Variants in PAQR8 observed in about 807,000 individuals in gnomAD.
PAQR8 encodes membrane progestin receptor beta.
PAQR8 carries 17 observed loss-of-function variants against 25.2 expected under a neutral mutation model. The ratio of observed to expected loss-of-function variants is 0.67; its 90% confidence interval spans 0.46 to 1.01. The LOEUF (loss-of-function observed/expected upper bound fraction) is 1.01. Among genes scored for constraint, PAQR8 ranks in the 50% least tolerant of loss-of-function variants. PAQR8 has a pLI of 0.00. For missense variants in PAQR8, 392 were observed against 448.4 expected (o/e 0.87, Z 1.14); for synonymous variants, 204 against 190.6 (o/e 1.07, Z -0.58).
chr6:52,393,630 C>A (rs1015492569), intron 1 of PAQR8, among the ~76,000 whole-genome samples: 1 of 152,118 alleles, frequency 6.6e-6, no homozygotes, highest in African/African-American at 2.4e-5. Flanking sequence ...TGTACCTGGT[C>A]GATTTGGACA....
intron 1 of PAQR8, among the ~76,000 whole-genome samples, chr6:52,393,800 A>G (rs1257334271): frequency 1.3e-5 from 2 of 152,328 alleles, no homozygotes; most frequent in South Asian, 2.1e-4. Flanking sequence ...TACAGTAAGG[A>G]AAGTCCTATA....
At chr6:52,391,885 C>T (rs1763712890) in intron 1 of PAQR8, among the ~76,000 whole-genome samples, 1 of 152,158 alleles carries the variant, frequency 6.6e-6, no homozygotes, top group African/African-American at 2.4e-5. Flanking sequence ...CTGTGTGAGT[C>T]CCACACACAG....
rs1763926195 is a variant in PAQR8, at chr6:52,407,590, C to T, written c.*3312C>T. ...AGTTTCAAATGGATCCTCCAGATGG[C>T]ATTCATGTCTTACTCAGAAAGGGCA... On this transcript the variant is annotated 3_prime_UTR_variant, in exon 2 of 2. Transcript: ENST00000442253. The T allele has an allele frequency of 6.4e-6, 1 of 156,500 alleles. No individual in the cohort carries two copies. Among genetic ancestry groups the T allele is most frequent in the African/African-American group, 2.7e-5 (1 of 37,512 alleles). The allele number at this position is 156,500 out of a possible 1,614,324, so 9.7% of individuals were successfully genotyped here.
intron 1 of PAQR8, among the ~76,000 whole-genome samples, chr6:52,369,590 G>A (rs981256570): frequency 6.6e-6 from 1 of 152,190 alleles, no homozygotes; most frequent in Non-Finnish European, 1.5e-5. Context: ...ACCAGGCGAA[G>A]ATGGACATAA....
In PAQR8 at chr6:52,405,425, C is replaced by T. The variant is rs1763896664; in HGVS notation, c.*1147C>T. On this transcript the variant is annotated 3_prime_UTR_variant, in exon 2 of 2. Coordinates refer to ENST00000442253, the MANE Select transcript of PAQR8 (RefSeq NM_133367.5). ...TGGGATAGGCAAGCATGTGTGTTTA[C>T]TGTGGATTGGTCCCTGAAGGCTCCT... 6.0e-6 allele frequency: 1 copy of T among 167,128 alleles called. No homozygotes were observed. Among genetic ancestry groups the T allele is most frequent in the Non-Finnish European group, 1.5e-5 (1 of 68,164 alleles). The allele number at this position is 167,128 out of a possible 1,614,324, so 10.4% of individuals were successfully genotyped here.
intron 1 of PAQR8, among the ~76,000 whole-genome samples, chr6:52,390,989 T>C (rs9296676): frequency 0.18 from 27,609 of 152,166 alleles, 2,722 homozygotes; most frequent in Non-Finnish European, 0.22. Context: ...ATGTTTGTTG[T>C]TAAAAAGTAC....
Position 52,403,320 on chromosome 6 carries a change from C to T in PAQR8, c.107C>T (p.Thr36Ile), listed in dbSNP as rs373953889. 2 of 1,614,104 alleles carry T rather than the reference C, an allele frequency of 1.2e-6. No homozygotes were observed. The highest frequency in any genetic ancestry group is 2.7e-5 in the African/African-American group (2 of 74,950). ...LEDGLPKMPC[T>I]VPETDVPQLF... ...GATGGGCTTCCCAAGATGCCTTGCA[C>T]TGTCCCAGAAACGGATGTGCCCCAG... is the stretch of plus-strand genomic sequence containing the variant. Residue 36 changes from threonine (T) to isoleucine (I), a missense_variant, in exon 2 of 2, where the codon ACT (threonine) becomes ATT (isoleucine). By Grantham distance (89) the Thr-to-Ile change is moderately conservative. Coordinates refer to ENST00000442253, the MANE Select transcript of PAQR8 (RefSeq NM_133367.5).
intron 1 of PAQR8, among the ~76,000 whole-genome samples, chr6:52,395,290 AAAAGATT>A (rs2113948722): frequency 6.6e-6 from 1 of 152,096 alleles, no homozygotes; most frequent in African/African-American, 2.4e-5. Flanking sequence ...AAAAAAAAAA[AAAAGATT>A]AGATCCCTAC....
chr6:52,366,534 T>G (rs768856362), intron 1 of PAQR8, among the ~76,000 whole-genome samples: 3 of 152,198 alleles, frequency 2.0e-5, no homozygotes, highest in Admixed American at 6.5e-5. Context: ...GATTAACTCT[T>G]TCAAAATTAG....
chr6:52,401,783 A>C (rs1170470938), intron 1 of PAQR8, among the ~76,000 whole-genome samples: 1 of 152,192 alleles, frequency 6.6e-6, no homozygotes, highest in Non-Finnish European at 1.5e-5. Context: ...AGTACCAGTG[A>C]AATTAGTGGA....
At chr6:52,380,111 A>C (rs979529992) in intron 1 of PAQR8, among the ~76,000 whole-genome samples, 7 of 152,226 alleles carry the variant, frequency 4.6e-5, no homozygotes, top group African/African-American at 1.7e-4. Context: ...TCACAAGGTG[A>C]TAAGTAGTAC....
rs1763867373 is a variant in PAQR8 at position 52,403,583 on chromosome 6, ACCT to A, written c.371_373del (p.Thr124_Cys125delinsSer). The A allele has an allele frequency of 6.2e-7, 1 of 1,613,796 alleles. No homozygotes were observed. The highest frequency in any genetic ancestry group is 8.5e-7 in the Non-Finnish European group (1 of 1,180,008). On this transcript the variant is annotated inframe_deletion, in exon 2 of 2. Coordinates refer to ENST00000442253, the MANE Select transcript of PAQR8 (RefSeq NM_133367.5). ...CATCCTGTCGTCAATCACTTACCTC[ACCT>A]GCAGCCTTCTGGCCCACCTGCTGCA...
chr6:52,372,107 G>A (rs1481754572), intron 1 of PAQR8, among the ~76,000 whole-genome samples: 1 of 152,128 alleles, frequency 6.6e-6, no homozygotes, highest in African/African-American at 2.4e-5. Context: ...GGAGTGCATT[G>A]AACATTTTTT....
chr6:52,368,146 G>C (rs1377438387), intron 1 of PAQR8, among the ~76,000 whole-genome samples: 2 of 152,104 alleles, frequency 1.3e-5, no homozygotes, highest in East Asian at 3.9e-4. Flanking sequence ...ACACACACAC[G>C]AGCCACATGA....
Position 52,404,188 on chromosome 6 carries a change from C to A in PAQR8, c.975C>A (p.Leu325=). The A allele has an allele frequency of 6.2e-7, 1 of 1,614,048 alleles. No homozygotes were observed. The highest frequency in any genetic ancestry group is 8.5e-7 in the Non-Finnish European group (1 of 1,179,932). ...HGPLSVHMAC[L]SFFFLAACSA... ...CCCTATCTGTCCACATGGCCTGCCT[C>A]TCCTTCTTCTTCCTGGCTGCCTGCA... The change falls in exon 2 of 2, where the codon CTC becomes CTA. Residue 325 remains leucine, a synonymous_variant. Coordinates refer to ENST00000442253, the MANE Select transcript of PAQR8 (RefSeq NM_133367.5).
At chr6:52,398,566 G>GTTA (rs1554256480) in intron 1 of PAQR8, among the ~76,000 whole-genome samples, 1 of 149,834 alleles carries the variant, frequency 6.7e-6, no homozygotes, top group African/African-American at 2.5e-5. Context: ...TCTTGTTGTT[G>GTTA]TTTTTGAGAT....
At chr6:52,369,945 T>C (rs1763397992) in intron 1 of PAQR8, among the ~76,000 whole-genome samples, 1 of 152,170 alleles carries the variant, frequency 6.6e-6, no homozygotes, top group Non-Finnish European at 1.5e-5. Flanking sequence ...GTTACCCAGA[T>C]AGGTTCAAGA....
intron 1 of PAQR8, among the ~76,000 whole-genome samples, chr6:52,393,195 G>A (rs1466885490): frequency 2.6e-5 from 4 of 152,070 alleles, no homozygotes; most frequent in Non-Finnish European, 4.4e-5. Context: ...CTGTGAAATG[G>A]GAATGATAAT....
At chr6:52,372,666 A>G (rs2113935666) in intron 1 of PAQR8, among the ~76,000 whole-genome samples, 1 of 151,996 alleles carries the variant, frequency 6.6e-6, no homozygotes, top group African/African-American at 2.4e-5. Flanking sequence ...GAGGTAGACA[A>G]TATGGTATAA....
Sources: gnomAD v4.1 joint callset for allele counts (sites outside exome capture counted in the v4.1 genomes callset) on GRCh38, gnomAD v4.1.1 for gene constraint, MANE v1.5 for transcripts, NCBI Gene and HGNC (gene_info 2026-07-23, HGNC 2026-07-21) for gene names.